The following BRD10 variants were observed in gnomAD, a reference collection of about 807,000 sequenced individuals.
BRD10 encodes the protein uncharacterized bromodomain-containing protein 10.
chr9:5,944,028 G>A, the BRD10 span, among the ~76,000 whole-genome samples: 2 of 152,076 alleles, frequency 1.3e-5, no homozygotes, highest in African/African-American at 2.4e-5. Flanking sequence ...CAAACTTGCT[G>A]AATCACTAAC....
At chr9:5,908,680 A>C in the BRD10 span, 20 of 1,614,148 alleles carry the variant, frequency 1.2e-5, no homozygotes, top group Non-Finnish European at 1.7e-5. Context: ...CTCTCTGCAG[A>C]ACAGTCACCA....
chr9:5,990,960 CATAA>C, the BRD10 span, among the ~76,000 whole-genome samples: 7 of 152,092 alleles, frequency 4.6e-5, no homozygotes, highest in African/African-American at 1.7e-4. Flanking sequence ...ACACTGGAAA[CATAA>C]ATGTTTTTCA....
chr9:5,937,941 A>T, the BRD10 span, among the ~76,000 whole-genome samples: 839 of 152,308 alleles, frequency 5.5e-3, 7 homozygotes, highest in Middle Eastern at 0.027. Context: ...ATTTCCTATC[A>T]TCTAGGTCCC....
the BRD10 span, among the ~76,000 whole-genome samples, chr9:5,991,251 TATG>T: frequency 3.9e-5 from 6 of 152,116 alleles, no homozygotes; most frequent in South Asian, 2.1e-4. Context: ...TTAGTTTTCA[TATG>T]ATATGTACGC....
At chr9:5,971,999 G>A in the BRD10 span, among the ~76,000 whole-genome samples, 1 of 152,144 alleles carries the variant, frequency 6.6e-6, no homozygotes, top group Non-Finnish European at 1.5e-5. Flanking sequence ...TGAGTGCCCA[G>A]AAAAACATCA....
At chr9:5,917,235 A>G in the BRD10 span, among the ~76,000 whole-genome samples, 23 of 152,348 alleles carry the variant, frequency 1.5e-4, no homozygotes, top group South Asian at 2.9e-3. Flanking sequence ...ACTGCACAAT[A>G]TAATAATGCT....
the BRD10 span, chr9:5,919,897 G>A: frequency 3.1e-6 from 5 of 1,613,816 alleles, no homozygotes; most frequent in African/African-American, 1.3e-5. Context: ...ACACTGAAGT[G>A]CTACTTGGCA....
At chr9:5,930,294 G>A in the BRD10 span, among the ~76,000 whole-genome samples, 3 of 150,324 alleles carry the variant, frequency 2.0e-5, no homozygotes, top group East Asian at 5.8e-4. Flanking sequence ...GAACACTAAG[G>A]TGGAAAAATT....
chr9:6,001,964 A>T, the BRD10 span, among the ~76,000 whole-genome samples: 1 of 152,222 alleles, frequency 6.6e-6, no homozygotes, highest in East Asian at 1.9e-4. Flanking sequence ...AATTTCTTCA[A>T]TTAAGGGTTC....
chr9:5,946,316 C>T, the BRD10 span, among the ~76,000 whole-genome samples: 39 of 151,968 alleles, frequency 2.6e-4, no homozygotes, highest in African/African-American at 9.2e-4. Context: ...TTAAATAACC[C>T]AGATTAAACA....
chr9:5,988,933 T>C, the BRD10 span, among the ~76,000 whole-genome samples: 1 of 152,008 alleles, frequency 6.6e-6, no homozygotes, highest in Non-Finnish European at 1.5e-5. Context: ...ATAAACACTT[T>C]GAAAAAATTA....
the BRD10 span, chr9:6,007,112 C>T: frequency 7.0e-7 from 1 of 1,420,276 alleles, no homozygotes; most frequent in Admixed American, 1.9e-5. Flanking sequence ...GCCCCCAGGC[C>T]CCTGGCCCAG....
the BRD10 span, among the ~76,000 whole-genome samples, chr9:5,979,100 A>G: frequency 6.6e-6 from 1 of 152,260 alleles, no homozygotes. Context: ...TTATAAAGTC[A>G]TAGTATTTAT....
At chr9:5,984,820 AAAAAG>A in the BRD10 span, among the ~76,000 whole-genome samples, 1 of 152,204 alleles carries the variant, frequency 6.6e-6, no homozygotes, top group Admixed American at 6.5e-5. Context: ...CAGCTAAGAA[AAAAAG>A]AAAACAAAAC....
chr9:5,975,200 C>T, the BRD10 span, among the ~76,000 whole-genome samples: 1 of 151,938 alleles, frequency 6.6e-6, no homozygotes, highest in Non-Finnish European at 1.5e-5. Flanking sequence ...CTTTGGGAGG[C>T]TGAGGTGGGT....
the BRD10 span, chr9:5,969,483 T>C: frequency 2.5e-6 from 3 of 1,221,360 alleles, no homozygotes; most frequent in Admixed American, 2.9e-5. Context: ...GAGGGTACCA[T>C]AAAATGATAA....
chr9:5,982,059 A>C, the BRD10 span, among the ~76,000 whole-genome samples: 629 of 151,980 alleles, frequency 4.1e-3, 6 homozygotes, highest in Non-Finnish European at 4.8e-3. Flanking sequence ...GTGTGTGTAT[A>C]TATATATATT....
the BRD10 span, chr9:5,969,206 G>T: frequency 6.2e-7 from 1 of 1,613,572 alleles, no homozygotes; most frequent in Non-Finnish European, 8.5e-7. Flanking sequence ...CATTATTTTC[G>T]ATAGAAAAGC....
the BRD10 span, among the ~76,000 whole-genome samples, chr9:5,882,032 C>A: frequency 1.3e-5 from 2 of 152,178 alleles, no homozygotes; most frequent in Non-Finnish European, 1.5e-5. Flanking sequence ...ACGGGGAGCT[C>A]CCGGCAACCT....
Sources: gnomAD v4.1 joint callset for allele counts (sites outside exome capture counted in the v4.1 genomes callset) on GRCh38, gnomAD v4.1.1 for gene constraint, MANE v1.5 for transcripts, NCBI Gene and HGNC (gene_info 2026-07-23, HGNC 2026-07-21) for gene names.